The following EDC4 variants were observed in gnomAD, a reference collection of about 807,000 sequenced individuals.
EDC4 encodes enhancer of mRNA decapping 4.
In EDC4, 64 loss-of-function variants were observed where a neutral mutation model predicts 155.8. The observed-to-expected ratio is 0.41, with a 90% confidence interval of 0.34 to 0.51. The LOEUF (loss-of-function observed/expected upper bound fraction) is 0.51. Among genes scored for constraint, EDC4 ranks in the 20% least tolerant of loss-of-function variants. EDC4 has a pLI of 0.19. For missense variants in EDC4, 1,303 were observed against 1,812.5 expected, an observed-to-expected ratio of 0.72 and a Z score of 5.10; for synonymous variants, 684 against 716.8, an observed-to-expected ratio of 0.95 and a Z score of 0.73.
rs777089537 is a variant in EDC4, at chr16:67,881,020, T to C, written c.2531+30T>C. 4.3e-6 allele frequency: 7 copies of C among 1,613,732 alleles called. No individual in the cohort carries two copies. Among genetic ancestry groups the C allele is most frequent in the East Asian group, 2.2e-5 (1 of 44,872 alleles). On this transcript the variant is annotated intron_variant, in intron 18 of 28. Coordinates refer to ENST00000358933, the MANE Select transcript of EDC4 (RefSeq NM_014329.5). This position sits in a 1 kb window ranked among gnomAD's most constrained non-coding sequence, Gnocchi z 5.4. ...GGAGCTTGGGAGGGGAAAAGTGTGC[T>C]AGCAGGAGGGGCTTCAGATAGATTC...
rs902783042 is a variant in EDC4 at position 67,877,719 on chromosome 16, C to T, written c.790-22C>T. 1 of 1,614,024 alleles carries T rather than the reference C, an allele frequency of 6.2e-7. No homozygotes were observed. Among genetic ancestry groups the T allele is most frequent in the East Asian group, 2.2e-5 (1 of 44,886 alleles). On this transcript the variant is annotated intron_variant, in intron 6 of 28. Coordinates refer to ENST00000358933, the MANE Select transcript of EDC4 (RefSeq NM_014329.5). The surrounding 1 kb of genome is among the most constrained non-coding windows in gnomAD (Gnocchi z 4.9). ...CCATAGTGTGGGGTTGGGCTGCACACTCACCTCCCTGTGCCTTCCAGGCTG... is the reference window on the plus strand; with the variant it reads ...CCATAGTGTGGGGTTGGGCTGCACATTCACCTCCCTGTGCCTTCCAGGCTG...
rs1158492161 is a variant in EDC4 at position 67,880,126 on chromosome 16, C to T, written c.2007C>T (p.Ser669=). 8 of 1,613,030 alleles carry T rather than the reference C, an allele frequency of 5.0e-6. No homozygotes were observed. In the South Asian group the frequency reaches 8.8e-5, roughly 18 times the overall value. The change falls in exon 17 of 29, where the codon AGC becomes AGT. Residue 669 remains serine (S), a synonymous_variant. Transcript: ENST00000358933. The surrounding 1 kb of genome is among the most constrained non-coding windows in gnomAD (Gnocchi z 5.2). ...LQLDGSLTMS[S]SGSLQASPRG... ...TGGATGGCAGCCTGACAATGAGCAG[C>T]AGTGGCAGCCTTCAGGCAAGCCCGC...
At position 67,882,603 on chromosome 16, in the gene EDC4, G is replaced by A. The variant is rs1483007350; in HGVS notation, c.3442+9G>A. ...GCTGGGGACACAGGAATGTGAGTGG[G>A]GTCATATGGCCCAAGGTGGGAGGGG... On this transcript the variant is annotated intron_variant, in intron 25 of 28. Coordinates refer to ENST00000358933, the MANE Select transcript of EDC4 (RefSeq NM_014329.5). The surrounding 1 kb of genome is among the most constrained non-coding windows in gnomAD (Gnocchi z 7.2). The A allele has an allele frequency of 6.2e-7, 1 of 1,614,182 alleles. No individual in the cohort carries two copies. Among genetic ancestry groups the A allele is most frequent in the East Asian group, 2.2e-5 (1 of 44,880 alleles).
chr16:67,883,972 G>A lies in EDC4; in HGVS notation c.4030G>A (p.Val1344Met), dbSNP rs1459242586. The A allele has an allele frequency of 3.1e-6, 5 of 1,602,382 alleles. No homozygotes were observed. Among genetic ancestry groups the A allele is most frequent in the Non-Finnish European group, 2.6e-6 (3 of 1,171,510 alleles). ...CATCCCCAGCTACCTGGAAGAGGCC[G>A]TGATGCACCTGGACCACAGTGACCC... ...DLKLSYLEEA[V>M]MHLDHSDPIT... The change falls in exon 29 of 29, where the codon GTG becomes ATG. Residue 1344 changes from valine to methionine, a missense_variant. Around this residue, in one of 5 missense-constraint regions of EDC4, gnomAD observed 527 missense variants for 757.0 expected, o/e 0.70. Coordinates refer to ENST00000358933, the MANE Select transcript of EDC4 (RefSeq NM_014329.5). This position sits in a 1 kb window ranked among gnomAD's most constrained non-coding sequence, Gnocchi z 5.3.
chr16:67,880,594 A>G lies in EDC4; in HGVS notation c.2135A>G (p.Gln712Arg), dbSNP rs749357369. 1 of 1,613,924 alleles carries G rather than the reference A, an allele frequency of 6.2e-7. No individual in the cohort carries two copies. Among genetic ancestry groups the G allele is most frequent in the South Asian group, 1.1e-5 (1 of 91,090 alleles). Reference protein sequence around the residue: ...TATSALSLELQEVEPLGLPQA... With the variant: ...TATSALSLELREVEPLGLPQA... ...ACCTCTGCACTGTCCCTGGAGCTGC[A>G]GGAAGTGGAGCCCCTGGGGCTACCC... The change falls in exon 18 of 29, where the codon CAG (glutamine) becomes CGG (arginine). Residue 712 changes from glutamine (Q) to arginine (R), a missense_variant. This residue lies in a region of EDC4 where 391 missense variants were observed against 445.4 expected (regional missense o/e 0.88). Transcript: ENST00000358933. The surrounding 1 kb of genome is among the most constrained non-coding windows in gnomAD (Gnocchi z 5.2).
Position 67,881,072 on chromosome 16 carries a change from C to T in EDC4, c.2532-4C>T. On this transcript the variant is annotated splice_region_variant and splice_polypyrimidine_tract_variant and intron_variant, in intron 18 of 28. Coordinates refer to ENST00000358933, the MANE Select transcript of EDC4 (RefSeq NM_014329.5). The surrounding 1 kb of genome is among the most constrained non-coding windows in gnomAD (Gnocchi z 5.4). ...TCCATGGCTAAGTTGGCCTGTCCTCCCAGCCCCAGGAATGGCCTTCAGGAA... is the reference window on the plus strand; with the variant it reads ...TCCATGGCTAAGTTGGCCTGTCCTCTCAGCCCCAGGAATGGCCTTCAGGAA... The T allele has an allele frequency of 6.2e-7, 1 of 1,614,104 alleles. No homozygotes were observed. The highest frequency in any genetic ancestry group is 8.5e-7 in the Non-Finnish European group (1 of 1,180,022).
In EDC4 at chr16:67,875,969, C is replaced by T. The variant is rs2058039729; in HGVS notation, c.107C>T (p.Pro36Leu). 2 of 1,613,882 alleles carry T rather than the reference C, an allele frequency of 1.2e-6. No individual in the cohort carries two copies. Among genetic ancestry groups the T allele is most frequent in the Non-Finnish European group, 8.5e-7 (1 of 1,180,018 alleles). The part of the protein sequence containing the change: ...AGGPSAESPR[P>L]SSAYNGDLNG... ...GGCCCCAGTGCAGAGAGCCCACGGCCATCCAGTGCCTACAATGGGGACCTC... is the reference window on the plus strand; with the variant it reads ...GGCCCCAGTGCAGAGAGCCCACGGCTATCCAGTGCCTACAATGGGGACCTC... Residue 36 changes from proline to leucine, a missense_variant, in exon 2 of 29, where the codon CCA becomes CTA. Transcript: ENST00000358933.
chr16:67,881,591 G>A lies in EDC4; in HGVS notation c.2826+58G>A. On this transcript the variant is annotated intron_variant, in intron 21 of 28. Transcript: ENST00000358933. The surrounding 1 kb of genome is among the most constrained non-coding windows in gnomAD (Gnocchi z 5.4). ...ACTTCACCCTGGGCGGGTGGAGAAG[G>A]GCTCTGGGCCATTCCCTGGTCTGGT... The A allele has an allele frequency of 6.2e-7, 1 of 1,613,032 alleles. No individual in the cohort carries two copies. The highest frequency in any genetic ancestry group is 8.5e-7 in the Non-Finnish European group (1 of 1,179,526).
rs1212212977 is a variant in EDC4 at position 67,882,593 on chromosome 16, A to G, written c.3441A>G (p.Glu1147=). 6 of 1,614,216 alleles carry G rather than the reference A, an allele frequency of 3.7e-6. No individual in the cohort carries two copies. The highest frequency in any genetic ancestry group is 5.1e-6 in the Non-Finnish European group (6 of 1,180,014). The change falls in exon 25 of 29, where the codon GAA becomes GAG. Residue 1147 remains glutamate (E), a splice_region_variant and synonymous_variant. Coordinates refer to ENST00000358933, the MANE Select transcript of EDC4 (RefSeq NM_014329.5). The surrounding 1 kb of genome is among the most constrained non-coding windows in gnomAD (Gnocchi z 7.2). ...ATAGCTTCCGGCTGGGGACACAGGAATGTGAGTGGGGTCATATGGCCCAAG... is the reference window on the plus strand; with the variant it reads ...ATAGCTTCCGGCTGGGGACACAGGAGTGTGAGTGGGGTCATATGGCCCAAG... The part of the protein sequence containing the change: ...INDSFRLGTQ[E]YLQQLESHMK...
intron 1 of EDC4, among the ~76,000 whole-genome samples, chr16:67,875,434 A>G (rs1196585646): frequency 6.6e-6 from 1 of 152,132 alleles, no homozygotes; most frequent in Non-Finnish European, 1.5e-5. Flanking sequence ...TCTGCATGCT[A>G]TCTTAGAGTA....
Position 67,876,785 on chromosome 16 carries a change from C to G in EDC4, c.352-88C>G. On this transcript the variant is annotated intron_variant, in intron 3 of 28. Transcript: ENST00000358933. This position sits in a 1 kb window ranked among gnomAD's most constrained non-coding sequence, Gnocchi z 5.8. ...AGGTAACAGTGGGTAGCTGGACTTG[C>G]ATCTGTGTCCTCTCCCATCCCCAGG... 6.4e-7 allele frequency: 1 copy of G among 1,574,454 alleles called. No homozygotes were observed. The highest frequency in any genetic ancestry group is 8.6e-7 in the Non-Finnish European group (1 of 1,159,778).
rs1388955661 is a variant in EDC4, at chr16:67,879,215, A to G, written c.1469-22A>G. 2 of 1,614,164 alleles carry G rather than the reference A, an allele frequency of 1.2e-6. No homozygotes were observed. The highest frequency in any genetic ancestry group is 1.7e-6 in the Non-Finnish European group (2 of 1,180,024). On this transcript the variant is annotated intron_variant, in intron 12 of 28. Coordinates refer to ENST00000358933, the MANE Select transcript of EDC4 (RefSeq NM_014329.5). This position sits in a 1 kb window ranked among gnomAD's most constrained non-coding sequence, Gnocchi z 6.0. ...AGGCACAGAGAGGGCCAGGGGCTTC[A>G]TCATCCACACTGTCCTTTCAGATGG...
In EDC4 at chr16:67,877,699, G is replaced by T. The variant is rs1044023927; in HGVS notation, c.790-42G>T. The T allele has an allele frequency of 6.2e-7, 1 of 1,614,040 alleles. No homozygotes were observed. The highest frequency in any genetic ancestry group is 1.7e-5 in the Admixed American group (1 of 60,006). On this transcript the variant is annotated intron_variant, in intron 6 of 28. Transcript: ENST00000358933. This position sits in a 1 kb window ranked among gnomAD's most constrained non-coding sequence, Gnocchi z 4.9. The stretch of plus-strand genomic sequence containing the variant: ...GCGAAGAGGCGCCAGAGAAGCCATA[G>T]TGTGGGGTTGGGCTGCACACTCACC...
In EDC4 at chr16:67,880,882, C is replaced by G. The variant is rs762950122; in HGVS notation, c.2423C>G (p.Pro808Arg). 1.9e-6 allele frequency: 3 copies of G among 1,613,974 alleles called. No individual in the cohort carries two copies. The highest frequency in any genetic ancestry group is 1.7e-5 in the Admixed American group (1 of 60,034). Residue 808 changes from proline to arginine, a missense_variant, in exon 18 of 29, where the codon CCC becomes CGC. By Grantham distance (103) the Pro-to-Arg change is moderately radical (BLOSUM62 -2). This residue lies in a region of EDC4 where 391 missense variants were observed against 445.4 expected (regional missense o/e 0.88). Coordinates refer to ENST00000358933, the MANE Select transcript of EDC4 (RefSeq NM_014329.5). The surrounding 1 kb of genome is among the most constrained non-coding windows in gnomAD (Gnocchi z 5.2). The part of the protein sequence containing the change: ...GPGDGDRHNT[P>R]SLLEAALTQE... ...GGGGATGGAGATCGGCATAATACCC[C>G]CTCCCTCCTGGAGGCAGCCTTGACC...
In EDC4 at chr16:67,882,908, G is replaced by A; in HGVS notation, c.3629+43G>A. On this transcript the variant is annotated intron_variant, in intron 26 of 28. Transcript: ENST00000358933. This position sits in a 1 kb window ranked among gnomAD's most constrained non-coding sequence, Gnocchi z 7.2. ...TGGGCAAGGTGGTGGGCTTGAGAAAGGCCAGACTAGGCTCCCTGTCCACTT... is the reference window on the plus strand; with the variant it reads ...TGGGCAAGGTGGTGGGCTTGAGAAAAGCCAGACTAGGCTCCCTGTCCACTT... The A allele has an allele frequency of 2.5e-6, 4 of 1,614,076 alleles. No individual in the cohort carries two copies. The highest frequency in any genetic ancestry group is 3.4e-6 in the Non-Finnish European group (4 of 1,179,944).
rs1310138940 is a variant in EDC4 at position 67,880,081 on chromosome 16, C to T, written c.1962C>T (p.Thr654=). ...CCACCAGGCCACCTGAGGAGCTGACCTTGAGCCCCAAGCTGCAGCTGGATG... is the reference window on the plus strand; with the variant it reads ...CCACCAGGCCACCTGAGGAGCTGACTTTGAGCCCCAAGCTGCAGCTGGATG... ...PSLTRPPEEL[T]LSPKLQLDGS... is the part of the protein sequence containing the mutation. The change falls in exon 17 of 29, where the codon ACC becomes ACT. Residue 654 remains threonine, a synonymous_variant. Coordinates refer to ENST00000358933, the MANE Select transcript of EDC4 (RefSeq NM_014329.5). This position sits in a 1 kb window ranked among gnomAD's most constrained non-coding sequence, Gnocchi z 5.2. 12 of 1,608,990 alleles carry T rather than the reference C, an allele frequency of 7.5e-6. No individual in the cohort carries two copies. Among genetic ancestry groups the T allele is most frequent in the Non-Finnish European group, 9.3e-6 (11 of 1,177,078 alleles).
Position 67,880,490 on chromosome 16 carries a change from C to A in EDC4, c.2098-67C>A. The stretch of plus-strand genomic sequence containing the variant: ...CTCATTACTGCTAATACTAATGCCT[C>A]GTCTCTGTGCCCCCCATCTCTGCCT... On this transcript the variant is annotated intron_variant, in intron 17 of 28. Transcript: ENST00000358933. The surrounding 1 kb of genome is among the most constrained non-coding windows in gnomAD (Gnocchi z 5.2). The A allele has an allele frequency of 2.6e-6, 4 of 1,565,202 alleles. No individual in the cohort carries two copies. The highest frequency in any genetic ancestry group is 2.6e-6 in the Non-Finnish European group (3 of 1,149,630).
In EDC4 at chr16:67,877,665, G is replaced by A. The variant is rs1221895443; in HGVS notation, c.789+9G>A. 1 of 1,614,128 alleles carries A rather than the reference G, an allele frequency of 6.2e-7. No individual in the cohort carries two copies. The highest frequency in any genetic ancestry group is 1.1e-5 in the South Asian group (1 of 91,088). On this transcript the variant is annotated intron_variant, in intron 6 of 28. Coordinates refer to ENST00000358933, the MANE Select transcript of EDC4 (RefSeq NM_014329.5). The surrounding 1 kb of genome is among the most constrained non-coding windows in gnomAD (Gnocchi z 4.9). ...TGCTGCATGAAGACCGGGTGAGGGGGCTGACATGGCGAAGAGGCGCCAGAG... is the reference window on the plus strand; with the variant it reads ...TGCTGCATGAAGACCGGGTGAGGGGACTGACATGGCGAAGAGGCGCCAGAG...
chr16:67,873,179 C>T lies in EDC4; in HGVS notation c.-83C>T, dbSNP rs1346951073. Reference sequence around the variant, plus strand: ...AGTGACCGGCGTCCCGCTGTCTCGCCCCGTGGCGGGTGAGCGAGGGTGCGT... The same window carrying T: ...AGTGACCGGCGTCCCGCTGTCTCGCTCCGTGGCGGGTGAGCGAGGGTGCGT... On this transcript the variant is annotated 5_prime_UTR_variant, in exon 1 of 29. Coordinates refer to ENST00000358933, the MANE Select transcript of EDC4 (RefSeq NM_014329.5). 1 of 1,097,116 alleles carries T rather than the reference C, an allele frequency of 9.1e-7. No homozygotes were observed. Among genetic ancestry groups the T allele is most frequent in the Non-Finnish European group, 1.2e-6 (1 of 827,520 alleles). The allele number at this position is 1,097,116 out of a possible 1,614,324, so 68.0% of individuals were successfully genotyped here. A position where few individuals can be genotyped will look rare whatever the true frequency, so the allele number is the denominator to read the frequency against.
Sources: allele counts gnomAD v4.1 joint callset (sites outside exome capture counted in the v4.1 genomes callset), GRCh38; gene constraint gnomAD v4.1.1; regional missense constraint gnomAD v4.1.1; non-coding constraint Gnocchi (gnomAD v3.1); transcripts MANE v1.5; gene names NCBI Gene and HGNC (gene_info 2026-07-23, HGNC 2026-07-21).